Variants in NRG1 observed in about 807,000 individuals in gnomAD.
NRG1 encodes neuregulin 1, also known as pro-neuregulin-1, membrane-bound isoform.
NRG1 carries 18 observed loss-of-function variants against 63.8 expected under a neutral mutation model. The observed-to-expected ratio is 0.28, with a 90% confidence interval of 0.19 to 0.42. The LOEUF is 0.42. NRG1 is among the 10% of genes least tolerant of loss of function. NRG1 has a pLI of 1.00. For missense variants in NRG1, 762 were observed against 814.7 expected, an observed-to-expected ratio of 0.94 and a Z score of 0.79; for synonymous variants, 302 against 301.3, an observed-to-expected ratio of 1.00 and a Z score of -0.02.
At chr8:32,357,966 A>C (rs1240798082) in intron 1 of NRG1, among the ~76,000 whole-genome samples, 1 of 152,164 alleles carries the variant, frequency 6.6e-6, no homozygotes, top group Non-Finnish European at 1.5e-5. Flanking sequence ...AATTGTACCC[A>C]ATTAAAATAC....
At chr8:32,285,565 C>T (rs1261624773) in intron 1 of NRG1, among the ~76,000 whole-genome samples, 1 of 152,186 alleles carries the variant, frequency 6.6e-6, no homozygotes, top group African/African-American at 2.4e-5. Context: ...CCCTGCAGTA[C>T]TCTGTGCAAT....
rs117091235 is a variant in NRG1 at position 32,261,849 on chromosome 8, C to T, written c.38-333979C>T. Among the ~76,000 whole-genome samples, 585 of 152,052 alleles carry T rather than the reference C, an allele frequency of 3.8e-3. 5 individuals carry two copies. The highest frequency in any genetic ancestry group is 0.017 in the Middle Eastern group (5 of 294). ...TGTTAAATGTGTTTTAATAGTGTTC[C>T]CTTGCAGAATATTCTTTCCTTTGCC... is the stretch of plus-strand genomic sequence containing the variant. On this transcript the variant is annotated intron_variant, in intron 1 of 10. Transcript: ENST00000519301.
At chr8:32,366,602 T>G (rs890798170) in intron 1 of NRG1, among the ~76,000 whole-genome samples, 1 of 150,268 alleles carries the variant, frequency 6.7e-6, no homozygotes, top group African/African-American at 2.4e-5. Context: ...AATGTGTATA[T>G]AAAATGTATA....
intron 1 of NRG1, among the ~76,000 whole-genome samples, chr8:32,288,497 A>G (rs927025892): frequency 6.6e-6 from 1 of 152,152 alleles, no homozygotes; most frequent in African/African-American, 2.4e-5. Context: ...TTGTTTATTC[A>G]ATTTGGAAAG....
intron 1 of NRG1, among the ~76,000 whole-genome samples, chr8:32,299,045 A>AAAAAAAAG (rs1554501325): frequency 4.1e-5 from 6 of 145,120 alleles, no homozygotes; most frequent in African/African-American, 1.4e-4. Context: ...AAAAAAAAAA[A>AAAAAAAAG]AAAGAAAGAA....
chr8:32,329,516 G>A (rs1387201280), intron 1 of NRG1, among the ~76,000 whole-genome samples: 1 of 152,102 alleles, frequency 6.6e-6, no homozygotes, highest in Non-Finnish European at 1.5e-5. Flanking sequence ...GGGATAAAAG[G>A]CAGTTGATTG....
chr8:32,145,912 C>T (rs377292316), intron 1 of NRG1, among the ~76,000 whole-genome samples: 2 of 152,132 alleles, frequency 1.3e-5, no homozygotes, highest in South Asian at 4.1e-4. Flanking sequence ...CCATAAGATG[C>T]CGCATACTCT....
chr8:31,817,054 G>T (rs1189891031), intron 1 of NRG1, among the ~76,000 whole-genome samples: 1 of 152,080 alleles, frequency 6.6e-6, no homozygotes, highest in Non-Finnish European at 1.5e-5. Context: ...TAGTTATAAG[G>T]TTATATCTTT....
At chr8:32,274,558 A>G (rs981190452) in intron 1 of NRG1, among the ~76,000 whole-genome samples, 27 of 152,224 alleles carry the variant, frequency 1.8e-4, no homozygotes, top group Non-Finnish European at 3.7e-4. Flanking sequence ...CATTTACAAC[A>G]CACACTTTAC....
chr8:32,635,865 T>G (rs1851243012), intron 5 of NRG1, among the ~76,000 whole-genome samples: 1 of 152,204 alleles, frequency 6.6e-6, no homozygotes. Flanking sequence ...CAAAACTTTT[T>G]TCTTTGAATC....
At chr8:31,690,553 G>A (rs1284541028) in intron 1 of NRG1, among the ~76,000 whole-genome samples, 1 of 152,110 alleles carries the variant, frequency 6.6e-6, no homozygotes, top group Non-Finnish European at 1.5e-5. Context: ...ACATACTGAA[G>A]GGAGCCAAGG....
upstream of NRG1, among the ~76,000 whole-genome samples, chr8:32,544,510 TATTTA>T (rs1832878589): frequency 9.6e-6 from 1 of 103,794 alleles, no homozygotes; most frequent in African/African-American, 3.4e-5. Flanking sequence ...TTTATTTATT[TATTTA>T]TTGTTATGAG....
chr8:31,977,289 T>C (rs1808348948), intron 1 of NRG1, among the ~76,000 whole-genome samples: 1 of 152,156 alleles, frequency 6.6e-6, no homozygotes, highest in Non-Finnish European at 1.5e-5. Context: ...GATAAATCAG[T>C]CTCTTGCTGA....
chr8:32,018,930 T>TTG (rs1816005909), intron 1 of NRG1, among the ~76,000 whole-genome samples: 1 of 152,240 alleles, frequency 6.6e-6, no homozygotes, highest in Non-Finnish European at 1.5e-5. Flanking sequence ...TTCTAGTGGA[T>TTG]GTAAGTTGGT....
chr8:32,447,486 C>CT (rs1221031446), intron 1 of NRG1, among the ~76,000 whole-genome samples: 1 of 152,098 alleles, frequency 6.6e-6, no homozygotes. Flanking sequence ...AATTGATAAT[C>CT]TTGAGACATC....
chr8:31,803,044 T>TA (rs1323935761), intron 1 of NRG1, among the ~76,000 whole-genome samples: 1 of 152,192 alleles, frequency 6.6e-6, no homozygotes, highest in African/African-American at 2.4e-5. Flanking sequence ...ACCTATATGC[T>TA]AATTTGAGAG....
chr8:32,173,277 G>A (rs1340579125), intron 1 of NRG1, among the ~76,000 whole-genome samples: 2 of 152,076 alleles, frequency 1.3e-5, no homozygotes, highest in Non-Finnish European at 2.9e-5. Context: ...ATCCTTTACA[G>A]ACAAGCAAAT....
chr8:32,435,011 T>A (rs553496624), intron 1 of NRG1, among the ~76,000 whole-genome samples: 117 of 152,268 alleles, frequency 7.7e-4, no homozygotes, highest in Non-Finnish European at 1.3e-3. Flanking sequence ...CATGGATACC[T>A]GAGGGACAAA....
At chr8:32,078,591 T>G (rs1826961849) in intron 1 of NRG1, among the ~76,000 whole-genome samples, 1 of 152,220 alleles carries the variant, frequency 6.6e-6, no homozygotes, top group Non-Finnish European at 1.5e-5. Context: ...TTGAAGACTC[T>G]GACCGTGAGC....
Sources: allele counts gnomAD v4.1 joint callset (sites outside exome capture counted in the v4.1 genomes callset), GRCh38; gene constraint gnomAD v4.1.1; transcripts MANE v1.5; gene names NCBI Gene and HGNC (gene_info 2026-07-23, HGNC 2026-07-21).